The following LYPD6 variants were observed in gnomAD, a reference collection of about 807,000 sequenced individuals.
LYPD6 encodes LY6/PLAUR domain containing 6.
LYPD6 carries 15 observed loss-of-function variants against 22.7 expected under a neutral mutation model. The ratio of observed to expected loss-of-function variants is 0.66; its 90% confidence interval spans 0.44 to 1.02. The LOEUF is 1.02. Among genes scored for constraint, LYPD6 ranks in the 50% least tolerant of loss-of-function variants. The pLI, the probability that LYPD6 is intolerant of heterozygous loss-of-function variation, is 0.00. For missense variants in LYPD6, 189 were observed against 208.4 expected, an observed-to-expected ratio of 0.91 and a Z score of 0.57; for synonymous variants, 72 against 77.5, an observed-to-expected ratio of 0.93 and a Z score of 0.37.
At chr2:149,447,476 C>T (rs1453680661) in intron 2 of LYPD6, among the ~76,000 whole-genome samples, 3 of 152,204 alleles carry the variant, frequency 2.0e-5, no homozygotes, top group Non-Finnish European at 4.4e-5. Flanking sequence ...TCCCCACATC[C>T]CCCCAGCATC....
intron 1 of LYPD6, among the ~76,000 whole-genome samples, chr2:149,372,820 C>T (rs1407376253): frequency 1.3e-5 from 2 of 152,148 alleles, no homozygotes; most frequent in Non-Finnish European, 2.9e-5. Context: ...TGTTGAGTTA[C>T]ACAGGAGCAT....
intron 4 of LYPD6, among the ~76,000 whole-genome samples, chr2:149,469,657 C>CA (rs1681286161): frequency 1.3e-5 from 2 of 152,150 alleles, no homozygotes; most frequent in Admixed American, 6.5e-5. Context: ...GCTCCTGGTT[C>CA]AAAATGAGTA....
intron 3 of LYPD6, among the ~76,000 whole-genome samples, chr2:149,455,894 G>A (rs897185605): frequency 6.6e-6 from 1 of 152,170 alleles, no homozygotes; most frequent in African/African-American, 2.4e-5. Flanking sequence ...AAATGTGGAT[G>A]AATATTTTTT....
chr2:149,470,118 C>A (rs1476312495), intron 4 of LYPD6, among the ~76,000 whole-genome samples: 1 of 152,158 alleles, frequency 6.6e-6, no homozygotes, highest in Non-Finnish European at 1.5e-5. Context: ...GGGTTTATTT[C>A]TTTCTAATGA....
intron 1 of LYPD6, among the ~76,000 whole-genome samples, chr2:149,366,967 C>G (rs967540757): frequency 3.3e-5 from 5 of 151,986 alleles, no homozygotes; most frequent in African/African-American, 1.2e-4. Context: ...TTTTTAGAGG[C>G]TATTTCATTT....
chr2:149,463,506 C>G (rs1681132452), intron 3 of LYPD6, among the ~76,000 whole-genome samples: 1 of 152,162 alleles, frequency 6.6e-6, no homozygotes, highest in African/African-American at 2.4e-5. Context: ...GCAACTACCA[C>G]ATAACCCAGC....
downstream of LYPD6, among the ~76,000 whole-genome samples, chr2:149,475,777 C>A (rs2105189789): frequency 6.6e-6 from 1 of 152,280 alleles, no homozygotes; most frequent in South Asian, 2.1e-4. Flanking sequence ...ATTTGCAAAG[C>A]AGTTTTATAT....
At chr2:149,445,121 T>TGAA (rs1683658223) in intron 2 of LYPD6, among the ~76,000 whole-genome samples, 1 of 151,614 alleles carries the variant, frequency 6.6e-6, no homozygotes, top group African/African-American at 2.4e-5. Context: ...CTACAGCTCT[T>TGAA]GAGTGACCAG....
At chr2:149,470,356 C>T (rs187883992) in intron 4 of LYPD6, among the ~76,000 whole-genome samples, 79 of 152,282 alleles carry the variant, frequency 5.2e-4, no homozygotes, top group African/African-American at 1.8e-3. Context: ...TGGAAAAACA[C>T]GGACGAGTTT....
chr2:149,412,558 A>G (rs931021615), intron 1 of LYPD6, among the ~76,000 whole-genome samples: 2 of 152,226 alleles, frequency 1.3e-5, no homozygotes, highest in Admixed American at 6.5e-5. Flanking sequence ...GCCTGCTTTT[A>G]CAGATTCTGT....
At chr2:149,457,412 A>G (rs965990057) in intron 3 of LYPD6, among the ~76,000 whole-genome samples, 4 of 152,202 alleles carry the variant, frequency 2.6e-5, no homozygotes, top group African/African-American at 7.2e-5. Flanking sequence ...AATGCCTGCT[A>G]TTGTGTGCAA....
chr2:149,419,568 G>A (rs952411062), intron 1 of LYPD6, among the ~76,000 whole-genome samples: 2 of 152,154 alleles, frequency 1.3e-5, no homozygotes, highest in African/African-American at 2.4e-5. Context: ...GAACATTTCC[G>A]TCATTACAGA....
At chr2:149,352,269 G>C (rs1681372687) in intron 1 of LYPD6, among the ~76,000 whole-genome samples, 1 of 152,196 alleles carries the variant, frequency 6.6e-6, no homozygotes, top group Non-Finnish European at 1.5e-5. Context: ...GGTGGAAGAG[G>C]TGTTAGACTT....
At chr2:149,387,991 A>G (rs1682225388) in intron 1 of LYPD6, among the ~76,000 whole-genome samples, 1 of 152,204 alleles carries the variant, frequency 6.6e-6, no homozygotes, top group Non-Finnish European at 1.5e-5. Flanking sequence ...TGGGACTTAC[A>G]TGTCCATATT....
In LYPD6 at chr2:149,418,662, G is replaced by A. The variant is rs1683015850; in HGVS notation, c.-71-18976G>A. 2.6e-5 allele frequency among the ~76,000 whole-genome samples: 4 copies of A among 152,320 alleles called. 1 individual carries two copies. In the South Asian group the frequency reaches 8.3e-4, roughly 32 times the overall value. Reference sequence around the variant, plus strand: ...ACTTTAATAGCTTGAGGAGAAGCTAGCAGATTCAGAGAAGGCCTAGAGCAT... The same window carrying A: ...ACTTTAATAGCTTGAGGAGAAGCTAACAGATTCAGAGAAGGCCTAGAGCAT... On this transcript the variant is annotated intron_variant, in intron 1 of 4. Transcript: ENST00000334166.
chr2:149,409,476 G>C (rs1682806048), intron 1 of LYPD6, among the ~76,000 whole-genome samples: 1 of 152,188 alleles, frequency 6.6e-6, no homozygotes, highest in South Asian at 2.1e-4. Context: ...TAAGCATTCA[G>C]GTTTCTCAGG....
At chr2:149,354,523 A>C (rs1681416522) in intron 1 of LYPD6, among the ~76,000 whole-genome samples, 2 of 152,142 alleles carry the variant, frequency 1.3e-5, no homozygotes, top group Non-Finnish European at 1.5e-5. Flanking sequence ...GCATTTTAAA[A>C]GGCAAACCAT....
At chr2:149,414,485 C>CA (rs1435042133) in intron 1 of LYPD6, among the ~76,000 whole-genome samples, 1 of 152,096 alleles carries the variant, frequency 6.6e-6, no homozygotes, top group Non-Finnish European at 1.5e-5. Flanking sequence ...AAAATCAAAA[C>CA]ATTGGCCTTT....
At position 149,468,707 on chromosome 2, in the gene LYPD6, A is replaced by G; in HGVS notation, c.280A>G (p.Lys94Glu). The change falls in exon 4 of 5, where the codon AAA (lysine) becomes GAA (glutamate). Residue 94 changes from lysine (K) to glutamate (E), a missense_variant. By Grantham distance (56) the Lys-to-Glu change is moderately conservative. Transcript: ENST00000334166. ...EVTGNSISVT[K>E]RCVPLEECLS... Reference sequence around the variant, plus strand: ...CACAGGAAACAGTATCTCAGTCACCAAACGCTGTGTCCCACTGGAAGAGTG... The same window carrying G: ...CACAGGAAACAGTATCTCAGTCACCGAACGCTGTGTCCCACTGGAAGAGTG... 6.2e-7 allele frequency: 1 copy of G among 1,613,768 alleles called. No individual in the cohort carries two copies. The highest frequency in any genetic ancestry group is 8.5e-7 in the Non-Finnish European group (1 of 1,179,720).
Sources: gnomAD v4.1 joint callset for allele counts (sites outside exome capture counted in the v4.1 genomes callset) on GRCh38, gnomAD v4.1.1 for gene constraint, MANE v1.5 for transcripts, NCBI Gene and HGNC (gene_info 2026-07-23, HGNC 2026-07-21) for gene names.